Variants in DNAJC1 observed in about 807,000 individuals in gnomAD.
The protein encoded by DNAJC1 is dnaJ homolog subfamily C member 1.
In DNAJC1, 58 loss-of-function variants were observed where a neutral mutation model predicts 76.6. The ratio of observed to expected loss-of-function variants is 0.76; its 90% CI spans 0.61 to 0.94. The LOEUF is 0.94. Ranked by LOEUF, DNAJC1 falls within the 40% of genes least tolerant of loss-of-function variation. The pLI, the probability that DNAJC1 is intolerant of heterozygous loss-of-function variation, is 0.00. For missense variants in DNAJC1, 689 were observed against 677.3 expected, an observed-to-expected ratio of 1.02 and a Z score of -0.19; for synonymous variants, 258 against 267.9, an observed-to-expected ratio of 0.96 and a Z score of 0.36.
At chr10:21,810,077 C>G (rs1246352784) in intron 8 of DNAJC1, among the ~76,000 whole-genome samples, 1 of 152,106 alleles carries the variant, frequency 6.6e-6, no homozygotes, top group African/African-American at 2.4e-5. Context: ...TATCTCCTTA[C>G]AGGCCCTAGC....
intron 7 of DNAJC1, among the ~76,000 whole-genome samples, chr10:21,892,708 T>G (rs1836479683): frequency 6.6e-6 from 1 of 151,976 alleles, no homozygotes; most frequent in Admixed American, 6.6e-5. Context: ...ATACAAACAT[T>G]AATCAAAAGA....
chr10:21,986,268 C>A (rs897960806), intron 1 of DNAJC1, among the ~76,000 whole-genome samples: 1 of 152,188 alleles, frequency 6.6e-6, no homozygotes, highest in African/African-American at 2.4e-5. Flanking sequence ...TACCTTGCCA[C>A]CATCGATGCA....
At chr10:21,928,455 T>C (rs755842547) in intron 3 of DNAJC1, 51 bp downstream of exon 3, 3 of 1,466,794 alleles carry the variant, frequency 2.0e-6, no homozygotes, top group South Asian at 1.2e-5. Context: ...CTTTATAAAC[T>C]GTAGCATGAA....
chr10:21,965,743 T>C (rs1306538630), intron 1 of DNAJC1, among the ~76,000 whole-genome samples: 1 of 152,106 alleles, frequency 6.6e-6, no homozygotes. Context: ...TATATACGAG[T>C]ATATACCTAG....
chr10:21,869,778 A>C (rs1208013117), intron 8 of DNAJC1, among the ~76,000 whole-genome samples: 3 of 152,134 alleles, frequency 2.0e-5, no homozygotes, highest in African/African-American at 7.3e-5. Flanking sequence ...ATACAACTAT[A>C]AACAGCCAAT....
At chr10:21,916,117 T>C (rs980570809) in intron 6 of DNAJC1, among the ~76,000 whole-genome samples, 5 of 152,216 alleles carry the variant, frequency 3.3e-5, no homozygotes, top group Non-Finnish European at 7.3e-5. Context: ...CTAGTTTGAC[T>C]CTTCTTTAAA....
intron 9 of DNAJC1, among the ~76,000 whole-genome samples, chr10:21,794,081 C>G (rs750387797): frequency 2.6e-5 from 4 of 152,060 alleles, no homozygotes; most frequent in African/African-American, 4.8e-5. Flanking sequence ...TTGAGACCAG[C>G]CTTGGCAACA....
chr10:21,765,784 C>T (rs1834293371), intron 10 of DNAJC1, among the ~76,000 whole-genome samples: 2 of 152,092 alleles, frequency 1.3e-5, no homozygotes, highest in African/African-American at 4.8e-5. Context: ...GCAGAGGTTG[C>T]AGTGAGCCGA....
intron 7 of DNAJC1, among the ~76,000 whole-genome samples, chr10:21,896,529 T>C (rs1836545956): frequency 6.6e-6 from 1 of 152,130 alleles, no homozygotes; most frequent in Admixed American, 6.5e-5. Flanking sequence ...ATAGAAACTG[T>C]TTGATTTCAC....
chr10:21,796,421 T>C (rs372136072), intron 9 of DNAJC1, among the ~76,000 whole-genome samples: 6 of 152,306 alleles, frequency 3.9e-5, no homozygotes, highest in African/African-American at 1.4e-4. Context: ...AGATACCTCT[T>C]TGAGATCTTG....
At chr10:21,781,021 G>C (rs1052449260) in intron 9 of DNAJC1, among the ~76,000 whole-genome samples, 1 of 152,156 alleles carries the variant, frequency 6.6e-6, no homozygotes, top group African/African-American at 2.4e-5. Context: ...ATGGTAAAGG[G>C]ATCAATTCAA....
At chr10:21,969,322 G>A (rs1404039074) in intron 1 of DNAJC1, among the ~76,000 whole-genome samples, 1 of 151,934 alleles carries the variant, frequency 6.6e-6, no homozygotes, top group African/African-American at 2.4e-5. Flanking sequence ...AGAGGATGAG[G>A]GCGGGGGATA....
At chr10:21,984,979 C>A (rs989018540) in intron 1 of DNAJC1, among the ~76,000 whole-genome samples, 29 of 152,126 alleles carry the variant, frequency 1.9e-4, no homozygotes, top group African/African-American at 6.0e-4. Context: ...AATTTAAGTT[C>A]TTTTACAGAC....
intron 8 of DNAJC1, among the ~76,000 whole-genome samples, chr10:21,816,654 T>C (rs1375978621): frequency 6.7e-6 from 1 of 149,942 alleles, no homozygotes; most frequent in Non-Finnish European, 1.5e-5. Flanking sequence ...CACGCCATTC[T>C]CCTGCCTCAG....
chr10:21,889,573 G>C (rs1564818408), intron 7 of DNAJC1, among the ~76,000 whole-genome samples: 1 of 152,144 alleles, frequency 6.6e-6, no homozygotes, highest in Non-Finnish European at 1.5e-5. Context: ...AGAAGAATTT[G>C]AAAGTTAAGA....
intron 9 of DNAJC1, 76 bp downstream of exon 9, chr10:21,805,904 C>T (rs1348069212): frequency 7.6e-6 from 12 of 1,577,852 alleles, no homozygotes; most frequent in Non-Finnish European, 8.7e-6. Flanking sequence ...CTGTGGAACC[C>T]ATCTATGTCT....
intron 9 of DNAJC1, among the ~76,000 whole-genome samples, chr10:21,800,173 C>T (rs139814178): frequency 2.0e-5 from 3 of 152,276 alleles, no homozygotes; most frequent in Non-Finnish European, 4.4e-5. Flanking sequence ...CCTCATCAGA[C>T]GTGGACCCCT....
At chr10:21,867,426 T>A (rs536448416) in intron 8 of DNAJC1, among the ~76,000 whole-genome samples, 1 of 152,232 alleles carries the variant, frequency 6.6e-6, no homozygotes, top group African/African-American at 2.4e-5. Context: ...AAATCTAGTC[T>A]CTCAGTCATA....
In DNAJC1 at chr10:21,821,369, A is replaced by G. The variant is rs183335804; in HGVS notation, c.979-15270T>C. Reference sequence around the variant, plus strand: ...TGGTATATAGTTTTACTAAAATTACATTATATTATGATGGCTTCTTTATAT... The same window carrying G: ...TGGTATATAGTTTTACTAAAATTACGTTATATTATGATGGCTTCTTTATAT... On this transcript the variant is annotated intron_variant, in intron 8 of 11. Coordinates refer to ENST00000376980, the MANE Select transcript of DNAJC1 (RefSeq NM_022365.4). 5.3e-4 allele frequency among the ~76,000 whole-genome samples: 81 copies of G among 152,364 alleles called. 1 individual carries two copies. The highest frequency in any genetic ancestry group is 3.4e-3 in the Middle Eastern group (1 of 294).
Sources: allele counts gnomAD v4.1 joint callset (sites outside exome capture counted in the v4.1 genomes callset), GRCh38; gene constraint gnomAD v4.1.1; transcripts MANE v1.5; gene names NCBI Gene and HGNC (gene_info 2026-07-23, HGNC 2026-07-21).